PLAC8L1: variants seen among roughly 807,000 people sequenced by gnomAD.
PLAC8L1 encodes the protein PLAC8-like protein 1.
PLAC8L1 carries 13 observed loss-of-function variants against 16.3 expected under a neutral mutation model. The ratio of observed to expected loss-of-function variants is 0.80; its 90% CI spans 0.52 to 1.27. PLAC8L1 has a LOEUF of 1.27. Ranked by LOEUF, PLAC8L1 falls within the 50% of genes most tolerant of loss-of-function variation. The probability of loss-of-function intolerance (pLI) is 0.00; values close to 1 mark genes in which losing one functional copy is unlikely to be tolerated. For synonymous variants in PLAC8L1, 78 were observed against 79.3 expected (o/e 0.98, Z 0.09); for missense variants, 184 against 220.2 (o/e 0.84, Z 1.04).
intron 2 of PLAC8L1, among the ~76,000 whole-genome samples, chr5:146,086,734 C>A (rs989652536): frequency 6.6e-6 from 1 of 152,110 alleles, no homozygotes; most frequent in African/African-American, 2.4e-5. Context: ...ATTAACAGAC[C>A]ACAGGTTAAG....
At chr5:146,100,828 A>AGTGCCC (rs1238187266) in intron 1 of PLAC8L1, among the ~76,000 whole-genome samples, 4 of 152,146 alleles carry the variant, frequency 2.6e-5, no homozygotes, top group African/African-American at 9.7e-5. Flanking sequence ...CCCAGTGTGA[A>AGTGCCC]TGTATTTGGA....
chr5:146,103,859 A>T, intron 1 of PLAC8L1: 3 of 985,404 alleles, frequency 3.0e-6, no homozygotes, highest in Non-Finnish European at 3.6e-6. Context: ...TGATTATTTC[A>T]AACTCAGCTG....
At chr5:146,086,024 C>CTTTTTT (rs58130114) in intron 2 of PLAC8L1, among the ~76,000 whole-genome samples, 941 of 90,396 alleles carry the variant, frequency 0.01, 72 homozygotes, top group Middle Eastern at 0.02. Context: ...ATTGAAAGGT[C>CTTTTTT]TTTTTTTTTT....
chr5:146,086,718 A>C (rs1369732623), intron 2 of PLAC8L1, among the ~76,000 whole-genome samples: 1 of 152,200 alleles, frequency 6.6e-6, no homozygotes, highest in Non-Finnish European at 1.5e-5. Flanking sequence ...GTATCCACTG[A>C]AAATTATTAA....
Position 146,105,419 on chromosome 5 carries a change from AAGGAC to A in PLAC8L1, c.-1113_-1109del, listed in dbSNP as rs933272727. On this transcript the variant is annotated 5_prime_UTR_variant, in exon 1 of 4. Transcript: ENST00000311450. ...TAACAGTAAGGATGTACCCTACATT[AAGGAC>A]AGGTATGTTTTTTCTGCTTACTACT... is the stretch of plus-strand genomic sequence containing the variant. Among the ~76,000 whole-genome samples, 1 of 152,040 alleles carries A rather than the reference AAGGAC, an allele frequency of 6.6e-6. No individual in the cohort carries two copies. Among genetic ancestry groups the A allele is most frequent in the Non-Finnish European group, 1.5e-5 (1 of 68,002 alleles).
At chr5:146,092,750 C>A (rs1432860196) in intron 2 of PLAC8L1, among the ~76,000 whole-genome samples, 1 of 151,984 alleles carries the variant, frequency 6.6e-6, no homozygotes, top group Non-Finnish European at 1.5e-5. Flanking sequence ...GTTGGCCAGG[C>A]TGGTCTCAAA....
At chr5:146,087,621 C>T (rs929838309) in intron 2 of PLAC8L1, among the ~76,000 whole-genome samples, 5 of 152,164 alleles carry the variant, frequency 3.3e-5, no homozygotes, top group African/African-American at 7.2e-5. Context: ...CAGGCTCAAG[C>T]GATCCTCTCA....
At chr5:146,089,104 T>G (rs1179563756) in intron 2 of PLAC8L1, among the ~76,000 whole-genome samples, 1 of 152,234 alleles carries the variant, frequency 6.6e-6, no homozygotes. Context: ...ATAAGTATAT[T>G]GTACAGAAAT....
chr5:146,088,154 G>T (rs1281270953), intron 2 of PLAC8L1, among the ~76,000 whole-genome samples: 1 of 152,126 alleles, frequency 6.6e-6, no homozygotes, highest in Non-Finnish European at 1.5e-5. Flanking sequence ...CTTATCTTTT[G>T]TAGAGATGGG....
intron 2 of PLAC8L1, among the ~76,000 whole-genome samples, chr5:146,096,837 G>A (rs1419021689): frequency 6.6e-6 from 1 of 152,206 alleles, no homozygotes; most frequent in Non-Finnish European, 1.5e-5. Flanking sequence ...AATTCTGAGA[G>A]AACCAGAGAA....
Position 146,104,575 on chromosome 5 carries a change from T to C in PLAC8L1, c.-264A>G. The stretch of plus-strand genomic sequence containing the variant: ...AGAGTAAATAGAAGAAAAAGACTTA[T>C]CTTTGGTGGAAAACTCTTTAAGAGA... On this transcript the variant is annotated 5_prime_UTR_variant, in exon 1 of 4. Transcript: ENST00000311450. The C allele has an allele frequency of 3.3e-6, 1 of 305,632 alleles. No homozygotes were observed. The allele number at this position is 305,632 out of a possible 1,614,324, so 18.9% of individuals were successfully genotyped here.
intron 1 of PLAC8L1, among the ~76,000 whole-genome samples, chr5:146,100,318 T>G (rs1369734298): frequency 6.6e-6 from 1 of 152,180 alleles, no homozygotes; most frequent in Non-Finnish European, 1.5e-5. Flanking sequence ...GGAAGCGACC[T>G]GTCTGGAAGT....
At chr5:146,103,736 C>T (rs1241273103) in intron 1 of PLAC8L1, 1 of 985,384 alleles carries the variant, frequency 1.0e-6, no homozygotes, top group Non-Finnish European at 1.2e-6. Context: ...CTAGCACAAG[C>T]CCTACCATGT....
At chr5:146,103,167 T>G (rs537366090) in intron 1 of PLAC8L1, among the ~76,000 whole-genome samples, 3 of 152,320 alleles carry the variant, frequency 2.0e-5, no homozygotes, top group Non-Finnish European at 4.4e-5. Flanking sequence ...CATCTCTTCT[T>G]TCTTTTTTTG....
chr5:146,093,967 T>C (rs1763666756), intron 2 of PLAC8L1, among the ~76,000 whole-genome samples: 1 of 152,216 alleles, frequency 6.6e-6, no homozygotes, highest in African/African-American at 2.4e-5. Context: ...GAGACTGTCC[T>C]TTACCCCATT....
chr5:146,103,743 A>G, intron 1 of PLAC8L1: 1 of 985,240 alleles, frequency 1.0e-6, no homozygotes, highest in African/African-American at 1.7e-5. Context: ...AAGCCCTACC[A>G]TGTCTCCCAC....
intron 1 of PLAC8L1, among the ~76,000 whole-genome samples, chr5:146,101,196 CAAAAAAAAAAA>C (rs35143616): frequency 1.2e-5 from 1 of 82,172 alleles, no homozygotes; most frequent in South Asian, 4.5e-4. Context: ...GACCCTGTCT[CAAAAAAAAAAA>C]AAAAAAAAAA....
intron 1 of PLAC8L1, chr5:146,103,927 A>G: frequency 1.0e-6 from 1 of 985,440 alleles, no homozygotes; most frequent in South Asian, 4.7e-5. Context: ...CAGTCTCTAA[A>G]AATAAAGTTC....
chr5:146,098,434 C>T (rs1763753922), intron 1 of PLAC8L1, 142 bp from the exon 2 acceptor site: 4 of 614,392 alleles, frequency 6.5e-6, no homozygotes, highest in Non-Finnish European at 1.0e-5. Context: ...TTGCCATCTC[C>T]CTCCCTCCTC....
Sources: allele counts gnomAD v4.1 joint callset (sites outside exome capture counted in the v4.1 genomes callset), GRCh38; gene constraint gnomAD v4.1.1; transcripts MANE v1.5; gene names NCBI Gene and HGNC (gene_info 2026-07-23, HGNC 2026-07-21).